Variants in ANO6 observed in about 807,000 individuals in gnomAD.
ANO6 encodes the protein anoctamin 6.
A neutral mutation model predicts 117.5 loss-of-function variants in ANO6; 106 were observed. The observed-to-expected ratio is 0.90, with a 90% confidence interval of 0.77 to 1.06. The LOEUF (loss-of-function observed/expected upper bound fraction) is 1.06. Among genes scored for constraint, ANO6 ranks in the 50% least tolerant of loss-of-function variants. The pLI is 0.00. For synonymous variants in ANO6, 367 were observed against 385.1 expected, an observed-to-expected ratio of 0.95 and a Z score of 0.55; for missense variants, 955 against 1,121.1, an observed-to-expected ratio of 0.85 and a Z score of 2.12.
At chr12:45,272,794 C>A (rs1415190184) in intron 1 of ANO6, among the ~76,000 whole-genome samples, 2 of 152,046 alleles carry the variant, frequency 1.3e-5, no homozygotes, top group East Asian at 1.9e-4. Context: ...TCCTGCAGTC[C>A]CACTTCTGAG....
intron 1 of ANO6, among the ~76,000 whole-genome samples, chr12:45,226,678 A>G (rs1947486562): frequency 1.3e-5 from 2 of 152,120 alleles, no homozygotes; most frequent in Non-Finnish European, 2.9e-5. Flanking sequence ...TTGCACAAAC[A>G]AAATGATGGC....
chr12:45,408,794 C>A (rs1326766015), intron 15 of ANO6, among the ~76,000 whole-genome samples: 1 of 152,174 alleles, frequency 6.6e-6, no homozygotes, highest in Non-Finnish European at 1.5e-5. Context: ...CCTGCTCCTG[C>A]CTCAGGGTCT....
At chr12:45,317,113 G>GTGTGTGTGTGTGTGTA in intron 2 of ANO6, among the ~76,000 whole-genome samples, 2 of 66,442 alleles carry the variant, frequency 3.0e-5, no homozygotes, top group African/African-American at 8.2e-5. Context: ...CTTTTTATAT[G>GTGTGTGTGTGTGTGTA]TATATATATA....
chr12:45,317,896 G>C (rs1940107823), intron 2 of ANO6, among the ~76,000 whole-genome samples: 1 of 152,272 alleles, frequency 6.6e-6, no homozygotes, highest in Non-Finnish European at 1.5e-5. Flanking sequence ...TTTTTCCTGT[G>C]TCTGTTGGCT....
chr12:45,318,971 C>T (rs1010549175), intron 2 of ANO6, among the ~76,000 whole-genome samples: 34 of 152,228 alleles, frequency 2.2e-4, no homozygotes, highest in South Asian at 8.3e-4. Flanking sequence ...ATTTTGTATC[C>T]TGAGACTTTG....
rs1395853510 is a variant in ANO6, at chr12:45,401,843, T to C, written c.1435T>C (p.Ser479Pro). 4.3e-6 allele frequency: 7 copies of C among 1,613,944 alleles called. No homozygotes were observed. Among genetic ancestry groups the C allele is most frequent in the Non-Finnish European group, 5.9e-6 (7 of 1,180,012 alleles). Reference protein sequence around the residue: ...SVIGIIVYRLSVFIVFSAKLP... With the variant: ...SVIGIIVYRLPVFIVFSAKLP... ...TATTGGGATCATTGTCTATAGGCTC[T>C]CGGTGTTCATTGTATTTTCTGCAAA... Residue 479 changes from serine to proline, a missense_variant, in exon 13 of 20, where the codon TCG (serine) becomes CCG (proline). Physicochemically the swap from Ser to Pro is moderately conservative, Grantham distance 74 (BLOSUM62 -1). Coordinates refer to ENST00000320560, the MANE Select transcript of ANO6 (RefSeq NM_001025356.3).
intron 2 of ANO6, among the ~76,000 whole-genome samples, chr12:45,317,493 T>G (rs1940090081): frequency 6.6e-6 from 1 of 151,840 alleles, no homozygotes; most frequent in South Asian, 2.1e-4. Flanking sequence ...GGTGTATATG[T>G]GCCACATTTT....
intron 11 of ANO6, among the ~76,000 whole-genome samples, chr12:45,388,881 A>G (rs995780691): frequency 6.6e-6 from 1 of 152,166 alleles, no homozygotes; most frequent in African/African-American, 2.4e-5. Flanking sequence ...TGTCATTGGA[A>G]AGGTAGATTT....
intron 1 of ANO6, among the ~76,000 whole-genome samples, chr12:45,265,336 A>C (rs527352389): frequency 1.3e-5 from 2 of 152,192 alleles, no homozygotes; most frequent in Non-Finnish European, 2.9e-5. Flanking sequence ...AAAAAGACAG[A>C]TGGCCTTACC....
chr12:45,277,727 C>T (rs1363365666), intron 1 of ANO6, among the ~76,000 whole-genome samples: 1 of 152,114 alleles, frequency 6.6e-6, no homozygotes, highest in Non-Finnish European at 1.5e-5. Context: ...AAATTATCTG[C>T]TCTCAGAATT....
chr12:45,324,063 G>A (rs1913690), intron 2 of ANO6, among the ~76,000 whole-genome samples: 128,080 of 151,160 alleles, frequency 0.85, 55,254 homozygotes, highest in Non-Finnish European at 0.94. Flanking sequence ...TCAGCCTCCC[G>A]AGTAGCTGGG....
intron 1 of ANO6, among the ~76,000 whole-genome samples, chr12:45,245,995 A>G (rs1224450607): frequency 6.6e-6 from 1 of 152,014 alleles, no homozygotes; most frequent in Non-Finnish European, 1.5e-5. Context: ...GAGATAGCAT[A>G]TGGTACATTA....
intron 9 of ANO6, 104 bp from the exon 10 acceptor site, chr12:45,377,949 T>C: frequency 9.0e-7 from 1 of 1,113,170 alleles, no homozygotes; most frequent in Non-Finnish European, 1.4e-6. Context: ...GGCATCACCT[T>C]TGAAAAGAAC....
chr12:45,345,590 A>G (rs1941108519), intron 3 of ANO6, among the ~76,000 whole-genome samples: 1 of 152,214 alleles, frequency 6.6e-6, no homozygotes, highest in Non-Finnish European at 1.5e-5. Flanking sequence ...TTTTGTCACT[A>G]TTGGAAATGA....
At chr12:45,251,907 A>T (rs1445776978) in intron 1 of ANO6, among the ~76,000 whole-genome samples, 1 of 152,210 alleles carries the variant, frequency 6.6e-6, no homozygotes, top group East Asian at 1.9e-4. Flanking sequence ...GATGATCAAA[A>T]ATAACACCCT....
intron 2 of ANO6, among the ~76,000 whole-genome samples, chr12:45,305,866 G>A (rs906639278): frequency 6.6e-6 from 1 of 152,080 alleles, no homozygotes; most frequent in Non-Finnish European, 1.5e-5. Flanking sequence ...CAGTCATGGC[G>A]GGCCCATTAG....
intron 3 of ANO6, among the ~76,000 whole-genome samples, chr12:45,334,386 C>A (rs1485726152): frequency 1.3e-5 from 2 of 152,032 alleles, no homozygotes; most frequent in Admixed American, 1.3e-4. Flanking sequence ...GAAGTCATTC[C>A]ATCCTCCTGC....
chr12:45,217,145 G>A (rs915784079), intron 1 of ANO6, among the ~76,000 whole-genome samples: 1 of 152,124 alleles, frequency 6.6e-6, no homozygotes, highest in Non-Finnish European at 1.5e-5. Context: ...AAGAAAAAAA[G>A]GGCAAACAAA....
Position 45,216,254 on chromosome 12 carries a change from C to A in ANO6, c.-68C>A. 6.5e-7 allele frequency: 1 copy of A among 1,533,920 alleles called. No individual in the cohort carries two copies. The highest frequency in any genetic ancestry group is 8.9e-7 in the Non-Finnish European group (1 of 1,129,538). On this transcript the variant is annotated 5_prime_UTR_variant, in exon 1 of 20. Transcript: ENST00000320560. ...GTCCCCGATCCGGCCCCTGGGAGAG[C>A]CGCGCCGTTCTGGAACCCGGGAGCC...
Sources: gnomAD v4.1 joint callset for allele counts (sites outside exome capture counted in the v4.1 genomes callset) on GRCh38, gnomAD v4.1.1 for gene constraint, MANE v1.5 for transcripts, NCBI Gene and HGNC (gene_info 2026-07-23, HGNC 2026-07-21) for gene names.